Variants in GPC6 observed in about 807,000 individuals in gnomAD.
GPC6 encodes glypican 6, also known as glypican-6.
In GPC6, 14 loss-of-function variants were observed where a neutral mutation model predicts 55.2. The observed-to-expected ratio is 0.25, with a 90% confidence interval of 0.17 to 0.40. The LOEUF (loss-of-function observed/expected upper bound fraction) is 0.40, where lower values mean the gene tolerates loss of function less well. Ranked by LOEUF, GPC6 falls within the 10% of genes least tolerant of loss-of-function variation. GPC6 has a pLI of 1.00. For synonymous variants in GPC6, 278 were observed against 259.6 expected (o/e 1.07, Z -0.68); for missense variants, 641 against 708.5 (o/e 0.90, Z 1.08).
At chr13:93,552,480 G>GTCTCTCTC (rs61674043) in intron 2 of GPC6, among the ~76,000 whole-genome samples, 1 of 146,914 alleles carries the variant, frequency 6.8e-6, no homozygotes, top group African/African-American at 2.5e-5. Flanking sequence ...CTGTCTCTCT[G>GTCTCTCTC]TCTCTCTCTC....
intron 4 of GPC6, among the ~76,000 whole-genome samples, chr13:94,087,625 T>C (rs1472025215): frequency 6.6e-6 from 1 of 152,166 alleles, no homozygotes; most frequent in East Asian, 1.9e-4. Flanking sequence ...TCAAGAGAGA[T>C]TTAGTAACCT....
chr13:94,228,634 A>T (rs1890627805), intron 4 of GPC6, among the ~76,000 whole-genome samples: 1 of 152,082 alleles, frequency 6.6e-6, no homozygotes, highest in Non-Finnish European at 1.5e-5. Context: ...ATCCCAGAGT[A>T]AAACATCCTG....
chr13:93,613,684 C>T (rs1482124928), intron 2 of GPC6, among the ~76,000 whole-genome samples: 2 of 152,142 alleles, frequency 1.3e-5, no homozygotes, highest in Non-Finnish European at 2.9e-5. Flanking sequence ...ATTGAGTCCA[C>T]TGGATGAACT....
At chr13:94,234,160 G>A (rs949999707) in intron 4 of GPC6, among the ~76,000 whole-genome samples, 1 of 152,078 alleles carries the variant, frequency 6.6e-6, no homozygotes, top group African/African-American at 2.4e-5. Flanking sequence ...TGGGGAAACC[G>A]AGGCTCAGAT....
In GPC6 at chr13:94,027,870, G is replaced by A. The variant is rs201329039; in HGVS notation, c.853G>A (p.Asp285Asn). 1.2e-5 allele frequency: 20 copies of A among 1,614,026 alleles called. No homozygotes were observed. The highest frequency in any genetic ancestry group is 1.6e-4 in the Middle Eastern group (1 of 6,062). The change falls in exon 4 of 9, where the codon GAC (aspartate) becomes AAC (asparagine). Residue 285 changes from aspartate (D) to asparagine (N), a missense_variant. Coordinates refer to ENST00000377047, the MANE Select transcript of GPC6 (RefSeq NM_005708.5). ...KGCLANQADL[D>N]TEWNLFIDAM... ...CTGCTTGGCAAATCAGGCTGACCTC[G>A]ACACAGAGTGGAATCTGTTTATAGG...
At chr13:94,253,117 G>A (rs993946489) in intron 4 of GPC6, among the ~76,000 whole-genome samples, 2 of 152,050 alleles carry the variant, frequency 1.3e-5, no homozygotes, top group African/African-American at 4.8e-5. Context: ...TATGTAGAGA[G>A]TATATGTAAG....
intron 4 of GPC6, among the ~76,000 whole-genome samples, chr13:94,222,819 C>T (rs1890425649): frequency 6.6e-6 from 1 of 152,084 alleles, no homozygotes; most frequent in Non-Finnish European, 1.5e-5. Flanking sequence ...CTCATATTAC[C>T]AGTGATCTAT....
At chr13:93,273,520 T>C (rs973190455) in intron 1 of GPC6, among the ~76,000 whole-genome samples, 1 of 151,718 alleles carries the variant, frequency 6.6e-6, no homozygotes, top group Non-Finnish European at 1.5e-5. Flanking sequence ...TAGCCGGGCG[T>C]GGTGGTGGGC....
intron 6 of GPC6, among the ~76,000 whole-genome samples, chr13:94,324,944 G>A (rs1374717923): frequency 6.6e-6 from 1 of 152,198 alleles, no homozygotes; most frequent in African/African-American, 2.4e-5. Context: ...TTCTCTTGAA[G>A]AGACTCCCAG....
chr13:93,312,053 G>T (rs1429386167), intron 1 of GPC6, among the ~76,000 whole-genome samples: 4 of 152,134 alleles, frequency 2.6e-5, no homozygotes, highest in Non-Finnish European at 5.9e-5. Flanking sequence ...AGTTACTTTG[G>T]CTTAGAAAGT....
intron 4 of GPC6, among the ~76,000 whole-genome samples, chr13:94,134,069 C>T (rs1887100128): frequency 1.3e-5 from 2 of 152,164 alleles, no homozygotes; most frequent in Non-Finnish European, 2.9e-5. Flanking sequence ...GCTCAACACA[C>T]CCTACAATGA....
intron 4 of GPC6, among the ~76,000 whole-genome samples, chr13:94,223,795 T>C (rs1890460344): frequency 6.6e-6 from 1 of 152,134 alleles, no homozygotes; most frequent in African/African-American, 2.4e-5. Context: ...AGATCCTCAT[T>C]ATTCATGGAT....
intron 2 of GPC6, among the ~76,000 whole-genome samples, chr13:93,671,413 A>G (rs755054637): frequency 2.6e-5 from 4 of 151,972 alleles, no homozygotes; most frequent in Non-Finnish European, 5.9e-5. Context: ...TCATATACCA[A>G]TGCTCCATGT....
Position 94,150,171 on chromosome 13 carries a change from C to T in GPC6, c.877+122277C>T, listed in dbSNP as rs140772508. Among the ~76,000 whole-genome samples, 11 of 152,200 alleles carry T rather than the reference C, an allele frequency of 7.2e-5. No individual in the cohort carries two copies. The East Asian group carries it at 2.1e-3, about 29-fold the overall frequency. ...GCGGATGCATCCAGGTGCCCTCTTC[C>T]CTTCCTACACAAATCCAGCCAATCA... On this transcript the variant is annotated intron_variant, in intron 4 of 8. Coordinates refer to ENST00000377047, the MANE Select transcript of GPC6 (RefSeq NM_005708.5).
chr13:94,272,462 T>TC, intron 4 of GPC6, among the ~76,000 whole-genome samples: 1 of 114,864 alleles, frequency 8.7e-6, no homozygotes, highest in East Asian at 2.1e-4. Context: ...TCTTTTCTTT[T>TC]CTTTTTTTTT....
chr13:93,726,149 CACAT>C (rs1483367235), intron 2 of GPC6, among the ~76,000 whole-genome samples: 46 of 139,436 alleles, frequency 3.3e-4, no homozygotes, highest in East Asian at 2.2e-3. Context: ...CACACACACA[CACAT>C]ATCAAGCAAA....
intron 7 of GPC6, 104 bp from the exon 8 acceptor site, chr13:94,398,362 T>C (rs1409899318): frequency 3.4e-6 from 3 of 874,576 alleles, no homozygotes; most frequent in South Asian, 1.4e-5. Flanking sequence ...GCCAGGTGTC[T>C]TGGCTGACTG....
At chr13:94,195,257 GCTTGTATAAGACCTTTCCC>G (rs1179869213) in intron 4 of GPC6, among the ~76,000 whole-genome samples, 1 of 152,062 alleles carries the variant, frequency 6.6e-6, no homozygotes, top group African/African-American at 2.4e-5. Context: ...CCTAGTTAGG[GCTTGTATAAGACCTTTCCC>G]CTTAACCAAC....
At chr13:93,419,676 C>T (rs956492229) in intron 1 of GPC6, among the ~76,000 whole-genome samples, 2 of 152,140 alleles carry the variant, frequency 1.3e-5, no homozygotes, top group Non-Finnish European at 2.9e-5. Flanking sequence ...CTATTAGCAA[C>T]AGTTCTGTGA....
Sources: allele counts gnomAD v4.1 joint callset (sites outside exome capture counted in the v4.1 genomes callset), GRCh38; gene constraint gnomAD v4.1.1; transcripts MANE v1.5; gene names NCBI Gene and HGNC (gene_info 2026-07-23, HGNC 2026-07-21).